RBM23: variants seen among roughly 807,000 people sequenced by gnomAD.
RBM23 encodes the protein RNA binding motif protein 23.
RBM23 carries 53 observed loss-of-function variants against 56.2 expected under a neutral mutation model. The ratio of observed to expected loss-of-function variants is 0.94; its 90% CI spans 0.76 to 1.19. RBM23 has a LOEUF of 1.19. Among genes scored for constraint, RBM23 ranks in the 50% most tolerant of loss-of-function variants. RBM23 has a pLI of 0.00. For synonymous variants in RBM23, 197 were observed against 198.5 expected (o/e 0.99, Z 0.06); for missense variants, 642 against 590.3 (o/e 1.09, Z -0.91).
At position 22,900,653 on chromosome 14, in the gene RBM23, CTAA is replaced by C. The variant is rs769574732; in HGVS notation, c.*1074_*1076del. 2.0e-5 allele frequency: 3 copies of C among 152,136 alleles called. No individual in the cohort carries two copies. The highest frequency in any genetic ancestry group is 6.5e-5 in the Admixed American group (1 of 15,268). 9.4% of individuals were successfully genotyped at this position (152,136 alleles called of 1,614,324 possible). Reference sequence around the variant, plus strand: ...TAAATAAATAAACACAATGATGTTACTAATGTTTTATATCCCTAGAAACATCAT... The same window carrying C: ...TAAATAAATAAACACAATGATGTTACTGTTTTATATCCCTAGAAACATCAT... On this transcript the variant is annotated 3_prime_UTR_variant, in exon 14 of 14. Coordinates refer to ENST00000359890, the MANE Select transcript of RBM23 (RefSeq NM_001077351.2).
Position 22,896,098 on chromosome 14 carries a change from A to C in RBM23, c.*5632T>G, listed in dbSNP as rs2040244468. 6.6e-6 allele frequency: 1 copy of C among 152,190 alleles called. No individual in the cohort carries two copies. The highest frequency in any genetic ancestry group is 6.5e-5 in the Admixed American group (1 of 15,278). The allele number at this position is 152,190 out of a possible 1,614,324, so 9.4% of individuals were successfully genotyped here. On this transcript the variant is annotated 3_prime_UTR_variant, in exon 14 of 14. Transcript: ENST00000359890. ...CTTTTCCCCATAAACCTTGAGCTCTAAAGTTGGGGAGAATGAAGTCAGCTA... is the reference window on the plus strand; with the variant it reads ...CTTTTCCCCATAAACCTTGAGCTCTCAAGTTGGGGAGAATGAAGTCAGCTA...
Position 22,905,653 on chromosome 14 carries a change from C to T in RBM23, c.408G>A (p.Arg136=), listed in dbSNP as rs2295682. The change falls in exon 6 of 14, where the codon AGG becomes AGA. Residue 136 remains arginine, a synonymous_variant. Coordinates refer to ENST00000359890, the MANE Select transcript of RBM23 (RefSeq NM_001077351.2). ...AATGAGGACTCTTACTGTGTCCATA[C>T]CTATAACTAAAGAATAGAGAAAAAC... is the stretch of plus-strand genomic sequence containing the variant. The part of the protein sequence containing the change: ...YRSPPLATGY[R]YGHSKSPHFR... 906,730 of 1,600,434 alleles carry T rather than the reference C, an allele frequency of 0.57. 267,948 individuals carry two copies. The highest frequency in any genetic ancestry group is 0.79 in the East Asian group (35,530 of 44,796).
Position 22,904,993 on chromosome 14 carries a change from G to A in RBM23, c.746C>T (p.Ala249Val), listed in dbSNP as rs1351959944. 29 of 1,614,096 alleles carry A rather than the reference G, an allele frequency of 1.8e-5. No individual in the cohort carries two copies. Among genetic ancestry groups the A allele is most frequent in the Non-Finnish European group, 2.4e-5 (28 of 1,180,050 alleles). ...CTTTTGCAGGTTGTTGGCCATGGCT[G>A]CCAGTCGGTTTTTCTCTGCCTGGGG... The part of the protein sequence containing the change: ...QASQAEKNRL[A>V]AMANNLQKGN... Residue 249 changes from alanine to valine, a missense_variant, in exon 9 of 14, where the codon GCA becomes GTA. Physicochemically the swap from Ala to Val is moderately conservative, Grantham distance 64 (BLOSUM62 0). Coordinates refer to ENST00000359890, the MANE Select transcript of RBM23 (RefSeq NM_001077351.2).
rs778545926 is a variant in RBM23 at position 22,909,522 on chromosome 14, T to C, written c.140A>G (p.Asn47Ser). ...GATGGTGCTGCTTCCACTGGTCTCA[T>C]TGCCACTGTTGCTGGTGCTGCTGGT... The part of the protein sequence containing the change: ...NTTSSTSNSG[N>S]ETSGSSTIGE... Residue 47 changes from asparagine (N) to serine (S), a missense_variant, in exon 3 of 14, where the codon AAT becomes AGT. By Grantham distance (46) the Asn-to-Ser change is conservative (BLOSUM62 1). Transcript: ENST00000359890. 8 of 1,613,454 alleles carry C rather than the reference T, an allele frequency of 5.0e-6. 1 individual carries two copies. In the Middle Eastern group the frequency reaches 5.5e-4, roughly 110 times the overall value.
In RBM23 at chr14:22,900,147, G is replaced by A. The variant is rs567840640; in HGVS notation, c.*1583C>T. 1 of 152,314 alleles carries A rather than the reference G, an allele frequency of 6.6e-6. No homozygotes were observed. Among genetic ancestry groups the A allele is most frequent in the Non-Finnish European group, 1.5e-5 (1 of 68,070 alleles). The allele number at this position is 152,314 out of a possible 1,614,324, so 9.4% of individuals were successfully genotyped here. A position where few individuals can be genotyped will look rare whatever the true frequency, so the allele number is the denominator to read the frequency against. On this transcript the variant is annotated 3_prime_UTR_variant, in exon 14 of 14. Coordinates refer to ENST00000359890, the MANE Select transcript of RBM23 (RefSeq NM_001077351.2). ...AGCCACATGGAAAGCAGGAGTTGAG[G>A]GGACTGACAGAGGAACAACAGTAGA...
chr14:22,917,678 G>A (rs2043794527), intron 1 of RBM23: 1 of 151,976 alleles, frequency 6.6e-6, no homozygotes, highest in African/African-American at 2.4e-5. Context: ...CCAAAGTGCT[G>A]GGATTACAGG....
chr14:22,903,579 C>T (rs557426440), intron 10 of RBM23: 274 of 987,948 alleles, frequency 2.8e-4, no homozygotes, highest in Non-Finnish European at 3.2e-4. Flanking sequence ...TGACAGAATA[C>T]AACCTACTGC....
At position 22,900,103 on chromosome 14, in the gene RBM23, CCT is replaced by C. The variant is rs1566507957; in HGVS notation, c.*1625_*1626del. The C allele has an allele frequency of 6.6e-6, 1 of 152,086 alleles. No homozygotes were observed. The highest frequency in any genetic ancestry group is 2.4e-5 in the African/African-American group (1 of 41,386). The allele number at this position is 152,086 out of a possible 1,614,324, so 9.4% of individuals were successfully genotyped here. The stretch of plus-strand genomic sequence containing the variant: ...TTCCCTACAATTCACTGGTCCCAGG[CCT>C]GTGTTATCCCAGGCAGAGCCACATG... On this transcript the variant is annotated 3_prime_UTR_variant, in exon 14 of 14. Transcript: ENST00000359890.
Position 22,902,235 on chromosome 14 carries a change from G to A in RBM23, c.1078C>T (p.Leu360=), listed in dbSNP as rs1266454846. 3.7e-6 allele frequency: 6 copies of A among 1,614,192 alleles called. No homozygotes were observed. The highest frequency in any genetic ancestry group is 1.7e-5 in the Admixed American group (1 of 60,020). ...TFPDGDQELD[L]GSAGGRFQLM... is the part of the protein sequence containing the mutation. ...TGAAAACGTCCACCTGCTGATCCCA[G>A]ATCCAGCTCCTGGTCCCCATCAGGA... The change falls in exon 11 of 14, where the codon CTG becomes TTG. Residue 360 remains leucine (L), a synonymous_variant. Coordinates refer to ENST00000359890, the MANE Select transcript of RBM23 (RefSeq NM_001077351.2).
chr14:22,906,074 G>A, intron 5 of RBM23, 121 bp downstream of exon 5: 3 of 1,202,034 alleles, frequency 2.5e-6, no homozygotes, highest in Non-Finnish European at 2.3e-6. Flanking sequence ...CCCTTTCTGT[G>A]CCTGAGTATC....
intron 2 of RBM23, among the ~76,000 whole-genome samples, chr14:22,910,450 C>CAAAAA (rs546748436): frequency 8.2e-4 from 58 of 71,036 alleles, no homozygotes; most frequent in African/African-American, 1.5e-3. Flanking sequence ...AACTTCATCT[C>CAAAAA]AAAAAAAAAA....
chr14:22,915,426 C>T (rs1052886984), intron 1 of RBM23, among the ~76,000 whole-genome samples: 4 of 150,940 alleles, frequency 2.7e-5, no homozygotes, highest in Non-Finnish European at 5.9e-5. Flanking sequence ...CTCGAACTCT[C>T]GACCTCAGGT....
Position 22,905,191 on chromosome 14 carries a change from G to T in RBM23, c.629C>A (p.Ala210Asp). 6.2e-7 allele frequency: 1 copy of T among 1,614,164 alleles called. No homozygotes were observed. Among genetic ancestry groups the T allele is most frequent in the Non-Finnish European group, 8.5e-7 (1 of 1,180,028 alleles). The part of the protein sequence containing the change: ...DRNSRRSKGI[A>D]YVEFCEIQSV... ...CTGGATTTCACAGAATTCCACGTAGGCAATGCCCTTAGAACGACGTGAGTT... is the reference window on the plus strand; with the variant it reads ...CTGGATTTCACAGAATTCCACGTAGTCAATGCCCTTAGAACGACGTGAGTT... The change falls in exon 8 of 14, where the codon GCC becomes GAC. Residue 210 changes from alanine to aspartate, a missense_variant. Physicochemically the swap from Ala to Asp is moderately radical, Grantham distance 126 (BLOSUM62 -2). Transcript: ENST00000359890.
rs1374253563 is a variant in RBM23, at chr14:22,893,211, A to G, written c.*8519T>C. The G allele has an allele frequency of 1.3e-5, 2 of 152,268 alleles. No homozygotes were observed. The highest frequency in any genetic ancestry group is 2.9e-5 in the Non-Finnish European group (2 of 68,038). 9.4% of individuals were successfully genotyped at this position (152,268 alleles called of 1,614,324 possible). A position where few individuals can be genotyped will look rare whatever the true frequency, so the allele number is the denominator to read the frequency against. ...ACCCTCACTCCCAGGAAGTTCACACACACACATCTTTTTATTAATCTAATA... is the reference window on the plus strand; with the variant it reads ...ACCCTCACTCCCAGGAAGTTCACACGCACACATCTTTTTATTAATCTAATA... On this transcript the variant is annotated 3_prime_UTR_variant, in exon 14 of 14. Coordinates refer to ENST00000359890, the MANE Select transcript of RBM23 (RefSeq NM_001077351.2).
In RBM23 at chr14:22,904,900, C is replaced by T. The variant is rs766675319; in HGVS notation, c.839G>A (p.Arg280Gln). 3.7e-6 allele frequency: 6 copies of T among 1,614,172 alleles called. No homozygotes were observed. Among genetic ancestry groups the T allele is most frequent in the East Asian group, 2.2e-5 (1 of 44,888 alleles). The change falls in exon 9 of 14, where the codon CGG (arginine) becomes CAG (glutamine). Residue 280 changes from arginine (R) to glutamine (Q), a missense_variant. Physicochemically the swap from Arg to Gln is conservative, Grantham distance 43 (BLOSUM62 1). Coordinates refer to ENST00000359890, the MANE Select transcript of RBM23 (RefSeq NM_001077351.2). ...LHFNITEDMLRGIFEPFGKID... is the reference protein window; with the variant it reads ...LHFNITEDMLQGIFEPFGKID... ...TTTACCAAAGGGCTCAAAGATGCCC[C>T]GGAGCATGTCTTCAGTGATATTGAA...
At chr14:22,908,487 G>A (rs898205435) in intron 3 of RBM23, 107 bp from the exon 4 acceptor site, 2 of 1,263,966 alleles carry the variant, frequency 1.6e-6, no homozygotes, top group African/African-American at 3.0e-5. Context: ...CCGCCTTCCA[G>A]GTTCAAGCGA....
chr14:22,904,439 C>T (rs2041169561), intron 9 of RBM23, 113 bp from the exon 10 acceptor site: 2 of 884,990 alleles, frequency 2.3e-6, no homozygotes. Context: ...AAAGTCTCAC[C>T]CACTCCAGCC....
intron 4 of RBM23, 48 bp downstream of exon 4, chr14:22,908,285 G>T: frequency 6.5e-7 from 1 of 1,542,214 alleles, no homozygotes. Flanking sequence ...CTTCCAAAGT[G>T]CTAGGATTAA....
Position 22,906,198 on chromosome 14 carries a change from G to A in RBM23, c.398C>T (p.Thr133Ile). 6.2e-7 allele frequency: 1 copy of A among 1,614,040 alleles called. No individual in the cohort carries two copies. The highest frequency in any genetic ancestry group is 1.3e-5 in the African/African-American group (1 of 75,054). The change falls in exon 5 of 14, where the codon ACT becomes ATT. Residue 133 changes from threonine (T) to isoleucine (I), a missense_variant. By Grantham distance (89) the Thr-to-Ile change is moderately conservative (BLOSUM62 -1). Coordinates refer to ENST00000359890, the MANE Select transcript of RBM23 (RefSeq NM_001077351.2). ...ATCTATTAGCAAAAAGTGATACCCAGTGGCAAGTGGAGGACTCCTGTAATG... is the reference window on the plus strand; with the variant it reads ...ATCTATTAGCAAAAAGTGATACCCAATGGCAAGTGGAGGACTCCTGTAATG... ...RVHYRSPPLA[T>I]GYRYGHSKSP...
Sources: allele counts gnomAD v4.1 joint callset (sites outside exome capture counted in the v4.1 genomes callset), GRCh38; gene constraint gnomAD v4.1.1; transcripts MANE v1.5; gene names NCBI Gene and HGNC (gene_info 2026-07-23, HGNC 2026-07-21).